GRHL2: variants seen among roughly 807,000 people sequenced by gnomAD.
The protein encoded by GRHL2 is grainyhead like transcription factor 2.
In GRHL2, 21 loss-of-function variants were observed where a neutral mutation model predicts 83.8. The ratio of observed to expected loss-of-function variants is 0.25; its 90% confidence interval spans 0.18 to 0.36. GRHL2 has a LOEUF of 0.36. GRHL2 is among the 10% of genes least tolerant of loss of function. GRHL2 has a pLI of 1.00. For synonymous variants in GRHL2, 280 were observed against 278.9 expected, an observed-to-expected ratio of 1.00 and a Z score of -0.04; for missense variants, 623 against 781.8, an observed-to-expected ratio of 0.80 and a Z score of 2.42.
intron 9 of GRHL2, among the ~76,000 whole-genome samples, chr8:101,624,127 C>A (rs1407672546): frequency 6.8e-6 from 1 of 146,560 alleles, no homozygotes; most frequent in African/African-American, 2.6e-5. Context: ...TAGGACAGTA[C>A]ACAGTAGGAC....
intron 9 of GRHL2, among the ~76,000 whole-genome samples, chr8:101,623,939 A>G (rs1813019477): frequency 1.3e-5 from 2 of 151,598 alleles, no homozygotes; most frequent in Admixed American, 1.3e-4. Context: ...GTCACAGTAC[A>G]CAGTAGGACA....
At chr8:101,497,243 C>T (rs1248893616) in intron 1 of GRHL2, among the ~76,000 whole-genome samples, 2 of 152,182 alleles carry the variant, frequency 1.3e-5, no homozygotes, top group South Asian at 2.1e-4. Flanking sequence ...TCCTCAGACA[C>T]GCCCACCTCC....
chr8:101,563,720 G>GT (rs577143342), intron 4 of GRHL2, among the ~76,000 whole-genome samples: 2,501 of 145,864 alleles, frequency 0.017, 59 homozygotes, highest in African/African-American at 0.052. Context: ...TTTTTTTTTT[G>GT]TTTTTTTTTG....
chr8:101,575,157 T>G (rs1811907851), intron 6 of GRHL2, among the ~76,000 whole-genome samples: 1 of 152,028 alleles, frequency 6.6e-6, no homozygotes, highest in Non-Finnish European at 1.5e-5. Context: ...AATTACATCC[T>G]CCCCCTCTTG....
chr8:101,652,401 G>GGT (rs1183113596), intron 14 of GRHL2, among the ~76,000 whole-genome samples: 6 of 62,292 alleles, frequency 9.6e-5, no homozygotes, highest in Admixed American at 1.7e-4. Context: ...GTGTGTGTCT[G>GGT]GTGTGTGTGT....
At chr8:101,494,904 C>T (rs372499628) in intron 1 of GRHL2, among the ~76,000 whole-genome samples, 5 of 152,102 alleles carry the variant, frequency 3.3e-5, no homozygotes, top group African/African-American at 9.7e-5. Context: ...GTTTCCAAGA[C>T]GAAATTTTGT....
chr8:101,590,809 C>T (rs527399196), intron 7 of GRHL2, among the ~76,000 whole-genome samples: 22 of 152,158 alleles, frequency 1.4e-4, no homozygotes, highest in African/African-American at 4.3e-4. Flanking sequence ...TACCTTGAGT[C>T]GGCATTTGTG....
At chr8:101,545,162 C>T (rs1811234719) in intron 2 of GRHL2, among the ~76,000 whole-genome samples, 1 of 152,232 alleles carries the variant, frequency 6.6e-6, no homozygotes. Flanking sequence ...CAAATAAATG[C>T]ATCCTTTATA....
intron 5 of GRHL2, among the ~76,000 whole-genome samples, chr8:101,572,501 C>T (rs1165717157): frequency 6.6e-6 from 1 of 152,144 alleles, no homozygotes; most frequent in Non-Finnish European, 1.5e-5. Context: ...CCCCCATAAT[C>T]CTGTCAGGAG....
At chr8:101,646,930 G>A (rs1267572398) in intron 13 of GRHL2, among the ~76,000 whole-genome samples, 1 of 152,210 alleles carries the variant, frequency 6.6e-6, no homozygotes, top group Non-Finnish European at 1.5e-5. Flanking sequence ...GGGGAACGGT[G>A]GAGCTGCCCT....
chr8:101,560,040 G>C (rs1265366171), intron 4 of GRHL2, among the ~76,000 whole-genome samples: 2 of 152,074 alleles, frequency 1.3e-5, no homozygotes, highest in African/African-American at 4.8e-5. Context: ...GAGTCTCACT[G>C]TGTGGCCCAG....
chr8:101,638,924 C>G (rs1321372247), intron 12 of GRHL2, among the ~76,000 whole-genome samples: 1 of 152,200 alleles, frequency 6.6e-6, no homozygotes, highest in East Asian at 1.9e-4. Flanking sequence ...AAGCCTTGGG[C>G]CAGCTCCTTG....
At chr8:101,628,834 A>C (rs1267264330) in intron 9 of GRHL2, among the ~76,000 whole-genome samples, 1 of 152,180 alleles carries the variant, frequency 6.6e-6, no homozygotes, top group African/African-American at 2.4e-5. Flanking sequence ...TGGAAACAGC[A>C]AGACTAGAAC....
chr8:101,504,317 C>T (rs1810291397), intron 1 of GRHL2, among the ~76,000 whole-genome samples: 1 of 152,158 alleles, frequency 6.6e-6, no homozygotes, highest in South Asian at 2.1e-4. Flanking sequence ...GTGTTAAGTC[C>T]AATCATTAAA....
intron 8 of GRHL2, among the ~76,000 whole-genome samples, chr8:101,616,432 A>C (rs185375645): frequency 6.6e-6 from 1 of 152,250 alleles, no homozygotes; most frequent in African/African-American, 2.4e-5. Context: ...AAGCCTCTCA[A>C]AATGCTGGGA....
intron 15 of GRHL2, 109 bp downstream of exon 15, chr8:101,664,627 T>TA: frequency 3.8e-6 from 3 of 795,202 alleles, no homozygotes; most frequent in Non-Finnish European, 6.4e-6. Flanking sequence ...CCACTTTTCA[T>TA]AAAAATTGTG....
intron 5 of GRHL2, 83 bp from the exon 6 acceptor site, chr8:101,573,585 T>G: frequency 2.0e-6 from 3 of 1,522,362 alleles, no homozygotes; most frequent in South Asian, 1.1e-5. Flanking sequence ...AATGTTCATG[T>G]GAAATGCTAT....
rs1814139095 is a variant in GRHL2 at position 101,668,844 on chromosome 8, C to T, written c.*2141C>T. On this transcript the variant is annotated 3_prime_UTR_variant, in exon 16 of 16. Coordinates refer to ENST00000646743, the MANE Select transcript of GRHL2 (RefSeq NM_024915.4). ...AGACAAAAGATTTGGCAGCCTGACA[C>T]AGGCAACCTACCCCTCTCTCTCCAG... 6.6e-6 allele frequency: 1 copy of T among 152,286 alleles called. No individual in the cohort carries two copies. The allele number at this position is 152,286 out of a possible 1,614,324, so 9.4% of individuals were successfully genotyped here. A position where few individuals can be genotyped will look rare whatever the true frequency, so the allele number is the denominator to read the frequency against.
chr8:101,558,864 T>C, intron 4 of GRHL2, 52 bp downstream of exon 4: 1 of 1,587,132 alleles, frequency 6.3e-7, no homozygotes, highest in Non-Finnish European at 8.6e-7. Context: ...AGCCCCTAGC[T>C]AATTTTTTTC....
Sources: allele counts gnomAD v4.1 joint callset (sites outside exome capture counted in the v4.1 genomes callset), GRCh38; gene constraint gnomAD v4.1.1; transcripts MANE v1.5; gene names NCBI Gene and HGNC (gene_info 2026-07-23, HGNC 2026-07-21).